The following ROPN1L variants were observed in gnomAD, a reference collection of about 807,000 sequenced individuals.
ROPN1L encodes the protein rhophilin associated tail protein 1 like, also known as ropporin-1-like protein.
ROPN1L carries 23 observed loss-of-function variants against 22.7 expected under a neutral mutation model. The ratio of observed to expected loss-of-function variants is 1.01; its 90% CI spans 0.73 to 1.43. The LOEUF is 1.43. Ranked by LOEUF, ROPN1L falls within the 40% of genes most tolerant of loss-of-function variation. The pLI, the probability that ROPN1L is intolerant of heterozygous loss-of-function variation, is 0.00. For missense variants in ROPN1L, 271 were observed against 291.5 expected, an observed-to-expected ratio of 0.93 and a Z score of 0.51; for synonymous variants, 116 against 117.8, an observed-to-expected ratio of 0.98 and a Z score of 0.10.
At chr5:10,452,495 C>T (rs535949832) in intron 3 of ROPN1L, among the ~76,000 whole-genome samples, 2 of 151,122 alleles carry the variant, frequency 1.3e-5, no homozygotes, top group African/African-American at 4.9e-5. Flanking sequence ...GACCTCCACG[C>T]CTGGCTAATT....
chr5:10,459,550 A>T (rs376195868), intron 3 of ROPN1L, among the ~76,000 whole-genome samples: 1 of 151,684 alleles, frequency 6.6e-6, no homozygotes, highest in African/African-American at 2.4e-5. Flanking sequence ...CATCCCGCTG[A>T]CCTCATTTCC....
At chr5:10,454,512 T>A (rs1332763717) in intron 3 of ROPN1L, among the ~76,000 whole-genome samples, 3 of 152,172 alleles carry the variant, frequency 2.0e-5, no homozygotes, top group Non-Finnish European at 2.9e-5. Context: ...CTTTTAAGCA[T>A]GGAGATCTTT....
chr5:10,455,376 C>A (rs1300072608), intron 3 of ROPN1L, among the ~76,000 whole-genome samples: 1 of 152,226 alleles, frequency 6.6e-6, no homozygotes, highest in Non-Finnish European at 1.5e-5. Flanking sequence ...ACAGCCACGC[C>A]CCCACCCCCC....
At chr5:10,459,598 G>A (rs551749550) in intron 3 of ROPN1L, among the ~76,000 whole-genome samples, 4 of 152,076 alleles carry the variant, frequency 2.6e-5, no homozygotes, top group South Asian at 2.1e-4. Context: ...CTAGCTACCT[G>A]GAGCTCCTGG....
At chr5:10,443,360 C>T (rs1306295720) in intron 1 of ROPN1L, among the ~76,000 whole-genome samples, 3 of 71,302 alleles carry the variant, frequency 4.2e-5, no homozygotes, top group East Asian at 2.2e-4. Flanking sequence ...CGGTGGCTCA[C>T]GCCTGTAATC....
intron 3 of ROPN1L, among the ~76,000 whole-genome samples, chr5:10,460,346 G>T (rs1208701974): frequency 2.6e-5 from 4 of 152,250 alleles, no homozygotes; most frequent in African/African-American, 9.6e-5. Context: ...TGGCCCTGGG[G>T]AGCCCTGGTG....
intron 3 of ROPN1L, among the ~76,000 whole-genome samples, chr5:10,455,291 C>T (rs1217172853): frequency 6.6e-6 from 1 of 152,190 alleles, no homozygotes; most frequent in Non-Finnish European, 1.5e-5. Flanking sequence ...AGCTAGGGCT[C>T]GAAAGCCCAT....
At chr5:10,467,581 G>A (rs968005219), downstream of ROPN1L, among the ~76,000 whole-genome samples, 11 of 152,198 alleles carry the variant, frequency 7.2e-5, no homozygotes, top group African/African-American at 2.4e-4. Flanking sequence ...ACAGGGAATC[G>A]TCAGTTATGT....
Position 10,444,900 on chromosome 5 carries a change from A to AAAAT in ROPN1L, c.131+2617_131+2620dup, listed in dbSNP as rs908230777. 4.6e-3 allele frequency among the ~76,000 whole-genome samples: 700 copies of AAAAT among 152,180 alleles called. 4 individuals are homozygous for AAAAT. Among genetic ancestry groups the AAAAT allele is most frequent in the African/African-American group, 0.016 (660 of 41,534 alleles). ...GATGATAGAGCAAGACTCCATCATA[A>AAAAT]AAATAAATAAATAAATAAGAGACTT... On this transcript the variant is annotated intron_variant, in intron 1 of 4. Transcript: ENST00000274134.
intron 4 of ROPN1L, chr5:10,471,666 G>C (rs7711156): frequency 0.039 from 5,888 of 152,740 alleles, 357 homozygotes; most frequent in African/African-American, 0.13. Context: ...GGGATCCACA[G>C]AGATGGCAGG....
At chr5:10,442,788 A>G (rs1259138102) in intron 1 of ROPN1L, among the ~76,000 whole-genome samples, 1 of 152,270 alleles carries the variant, frequency 6.6e-6, no homozygotes, top group African/African-American at 2.4e-5. Flanking sequence ...TACTGAGGTC[A>G]TCATCCCTAG....
At chr5:10,481,395 C>T in the ROPN1L span, among the ~76,000 whole-genome samples, 582 of 152,278 alleles carry the variant, frequency 3.8e-3, 5 homozygotes, top group African/African-American at 0.013. Flanking sequence ...CCCTAGTTGT[C>T]CGGTACTTGC....
downstream of ROPN1L, among the ~76,000 whole-genome samples, chr5:10,465,471 C>T (rs1406723727): frequency 2.0e-5 from 3 of 150,870 alleles, no homozygotes; most frequent in Non-Finnish European, 2.9e-5. Flanking sequence ...GCCGAGATCG[C>T]GCCACTGCAC....
chr5:10,469,494 G>T (rs2126480306), downstream of ROPN1L, among the ~76,000 whole-genome samples: 1 of 151,696 alleles, frequency 6.6e-6, no homozygotes, highest in African/African-American at 2.4e-5. Context: ...CTCAAAAAAA[G>T]AAAAAAAAGT....
chr5:10,460,060 G>T (rs1162453241), intron 3 of ROPN1L, among the ~76,000 whole-genome samples: 1 of 152,184 alleles, frequency 6.6e-6, no homozygotes, highest in African/African-American at 2.4e-5. Flanking sequence ...TTCACAGAAG[G>T]GACTCGAGGT....
chr5:10,476,647 G>T (rs2936582), downstream of ROPN1L, among the ~76,000 whole-genome samples: 26,523 of 152,160 alleles, frequency 0.17, 3,466 homozygotes, highest in East Asian at 0.67. Flanking sequence ...GAAGGCTTGA[G>T]AATTTTTTTA....
In ROPN1L at chr5:10,442,071, C is replaced by T. The variant is rs908696654; in HGVS notation, c.-97C>T. The T allele has an allele frequency of 1.0e-4, 157 of 1,519,672 alleles. 1 individual carries two copies. The highest frequency in any genetic ancestry group is 1.6e-5 in the Non-Finnish European group (18 of 1,120,144). 94.1% of individuals were successfully genotyped at this position (1,519,672 alleles called of 1,614,324 possible). A position where few individuals can be genotyped will look rare whatever the true frequency, so the allele number is the denominator to read the frequency against. On this transcript the variant is annotated 5_prime_UTR_variant, in exon 1 of 5. Coordinates refer to ENST00000274134, the MANE Select transcript of ROPN1L (RefSeq NM_031916.5). ...GGGAGGCGGCCCTGGCCGCAAGCCC[C>T]GCGCTGCTAGCGGGTCCACCGCGTC...
downstream of ROPN1L, among the ~76,000 whole-genome samples, chr5:10,474,919 TCA>T (rs968523789): frequency 3.9e-4 from 57 of 148,002 alleles, no homozygotes; most frequent in African/African-American, 1.4e-3. Flanking sequence ...TTGAGACAAA[TCA>T]CACAGTTAAA....
chr5:10,443,700 C>T (rs1318839571), intron 1 of ROPN1L, among the ~76,000 whole-genome samples: 1 of 151,940 alleles, frequency 6.6e-6, no homozygotes, highest in African/African-American at 2.4e-5. Context: ...TTTCACTAGG[C>T]TAAAATCAAG....
Sources: gnomAD v4.1 joint callset for allele counts (sites outside exome capture counted in the v4.1 genomes callset) on GRCh38, gnomAD v4.1.1 for gene constraint, MANE v1.5 for transcripts, NCBI Gene and HGNC (gene_info 2026-07-23, HGNC 2026-07-21) for gene names.